Variants in RNF220 observed in about 807,000 individuals in gnomAD.
RNF220 encodes E3 ubiquitin-protein ligase RNF220.
RNF220 carries 7 observed loss-of-function variants against 67.1 expected under a neutral mutation model. The ratio of observed to expected loss-of-function variants is 0.10; its 90% CI spans 0.06 to 0.20. The LOEUF is 0.20. RNF220 is among the 10% of genes least tolerant of loss of function. The pLI, the probability that RNF220 is intolerant of heterozygous loss-of-function variation, is 1.00. For synonymous variants in RNF220, 270 were observed against 283.2 expected, an observed-to-expected ratio of 0.95 and a Z score of 0.47; for missense variants, 565 against 740.3, an observed-to-expected ratio of 0.76 and a Z score of 2.75.
At chr1:44,597,468 G>A (rs1572993669) in intron 2 of RNF220, among the ~76,000 whole-genome samples, 2 of 135,742 alleles carry the variant, frequency 1.5e-5, no homozygotes, top group South Asian at 2.7e-4. Flanking sequence ...TCTCTCTCAT[G>A]CACACACACA....
rs116276025 is a variant in RNF220, at chr1:44,586,362, G to A, written c.626-27803G>A. Reference sequence around the variant, plus strand: ...AAAGATAAATTCTCTAAGAGCAAAGGGCACAGCAGTGACAAGGTCCCCGGA... The same window carrying A: ...AAAGATAAATTCTCTAAGAGCAAAGAGCACAGCAGTGACAAGGTCCCCGGA... On this transcript the variant is annotated intron_variant, in intron 2 of 14. Transcript: ENST00000361799. Among the ~76,000 whole-genome samples, 1,503 of 152,220 alleles carry A rather than the reference G, an allele frequency of 9.9e-3. 25 individuals are homozygous for A. Among genetic ancestry groups the A allele is most frequent in the African/African-American group, 0.034 (1,425 of 41,522 alleles).
At chr1:44,533,598 G>A (rs1449747727) in intron 2 of RNF220, among the ~76,000 whole-genome samples, 2 of 152,206 alleles carry the variant, frequency 1.3e-5, no homozygotes, top group Admixed American at 6.5e-5. Context: ...ACTTCATACT[G>A]AGTTGCAGGG....
intron 2 of RNF220, among the ~76,000 whole-genome samples, chr1:44,522,798 C>A (rs1296445838): frequency 1.3e-5 from 2 of 152,196 alleles, no homozygotes; most frequent in Non-Finnish European, 2.9e-5. Flanking sequence ...CTTAGATAAC[C>A]TCTGAGGCCC....
intron 2 of RNF220, among the ~76,000 whole-genome samples, chr1:44,499,223 C>T (rs1318026564): frequency 6.6e-6 from 1 of 152,178 alleles, no homozygotes; most frequent in African/African-American, 2.4e-5. Context: ...CTCTGATGCA[C>T]ACAAACGTGC....
intron 5 of RNF220, chr1:44,631,655 T>G (rs1293677725): frequency 6.5e-6 from 1 of 153,862 alleles, no homozygotes; most frequent in Non-Finnish European, 1.4e-5. Context: ...CCTTGTCCCC[T>G]GTAAAGCACC....
chr1:44,434,942 G>A (rs894251806), intron 2 of RNF220, among the ~76,000 whole-genome samples: 4 of 150,968 alleles, frequency 2.6e-5, no homozygotes, highest in East Asian at 1.9e-4. Flanking sequence ...GGGGAGGATC[G>A]CTTGAGCCTA....
At chr1:44,596,793 A>G (rs1038923130) in intron 2 of RNF220, among the ~76,000 whole-genome samples, 1 of 152,152 alleles carries the variant, frequency 6.6e-6, no homozygotes, top group African/African-American at 2.4e-5. Flanking sequence ...CCCAAATGCC[A>G]GTTATTGCTG....
chr1:44,493,712 C>T (rs1461580839), intron 2 of RNF220, among the ~76,000 whole-genome samples: 1 of 151,794 alleles, frequency 6.6e-6, no homozygotes, highest in Non-Finnish European at 1.5e-5. Flanking sequence ...CAGTGGCATG[C>T]ACCTGTAGTT....
intron 2 of RNF220, among the ~76,000 whole-genome samples, chr1:44,485,068 G>A (rs550887759): frequency 6.6e-6 from 1 of 152,280 alleles, no homozygotes; most frequent in East Asian, 1.9e-4. Flanking sequence ...CCCGGGAGGC[G>A]GAGGTTACAG....
At chr1:44,445,305 T>C (rs909215473) in intron 2 of RNF220, among the ~76,000 whole-genome samples, 2 of 152,342 alleles carry the variant, frequency 1.3e-5, no homozygotes, top group East Asian at 3.9e-4. Flanking sequence ...CTGATCTCTG[T>C]ATCTCCAGTC....
intron 2 of RNF220, among the ~76,000 whole-genome samples, chr1:44,555,974 A>G (rs894562918): frequency 1.3e-5 from 2 of 149,798 alleles, no homozygotes; most frequent in Non-Finnish European, 2.9e-5. Context: ...ATGTATTTCT[A>G]TCACCACATC....
intron 3 of RNF220, among the ~76,000 whole-genome samples, chr1:44,619,976 G>A (rs558699359): frequency 2.4e-4 from 37 of 152,300 alleles, no homozygotes; most frequent in African/African-American, 8.2e-4. Context: ...GGAGTGGATC[G>A]CCAAATGACA....
intron 2 of RNF220, among the ~76,000 whole-genome samples, chr1:44,444,854 G>C (rs892180689): frequency 6.6e-6 from 1 of 152,148 alleles, no homozygotes; most frequent in East Asian, 1.9e-4. Flanking sequence ...CTGGTGTACA[G>C]GGCCTGAGTT....
At chr1:44,504,019 G>C (rs1812336) in intron 2 of RNF220, among the ~76,000 whole-genome samples, 3 of 151,898 alleles carry the variant, frequency 2.0e-5, no homozygotes, top group Non-Finnish European at 4.4e-5. Context: ...CCAGCTAATT[G>C]TTTTTATTTT....
At position 44,405,400 on chromosome 1, in the gene RNF220, T is replaced by TGCCGCCGCC. The variant is rs1024684613; in HGVS notation, c.-236_-228dup. The TGCCGCCGCC allele has an allele frequency of 9.6e-6, 6 of 626,364 alleles. No individual in the cohort carries two copies. The highest frequency in any genetic ancestry group is 2.4e-5 in the Admixed American group (1 of 41,560). The allele number at this position is 626,364 out of a possible 1,614,324, so 38.8% of individuals were successfully genotyped here. Reference sequence around the variant, plus strand: ...CTACTGCTGCTGCTGCTGCTGCCGCTGCCGCCGCCGCCGCCGCCGCTGCCT... The same window carrying TGCCGCCGCC: ...CTACTGCTGCTGCTGCTGCTGCCGCTGCCGCCGCCGCCGCCGCCGCCGCCGCCGCTGCCT... On this transcript the variant is annotated 5_prime_UTR_variant, in exon 1 of 15. Coordinates refer to ENST00000361799, the MANE Select transcript of RNF220 (RefSeq NM_018150.4).
intron 2 of RNF220, among the ~76,000 whole-genome samples, chr1:44,499,941 C>T (rs1051860918): frequency 6.6e-6 from 1 of 152,196 alleles, no homozygotes; most frequent in South Asian, 2.1e-4. Context: ...TCTCCCACAC[C>T]ATTCATACTG....
chr1:44,457,951 G>A (rs79212009), intron 2 of RNF220, among the ~76,000 whole-genome samples: 3,407 of 151,912 alleles, frequency 0.022, 56 homozygotes, highest in South Asian at 0.049. Context: ...TTTTGGCTTC[G>A]GCTTCTTTAC....
chr1:44,557,964 G>A (rs1195348839), intron 2 of RNF220, among the ~76,000 whole-genome samples: 1 of 152,226 alleles, frequency 6.6e-6, no homozygotes, highest in Non-Finnish European at 1.5e-5. Flanking sequence ...TGCCACGGCT[G>A]AGCCCTGCGG....
At chr1:44,505,400 T>C (rs557448934) in intron 2 of RNF220, among the ~76,000 whole-genome samples, 1 of 152,330 alleles carries the variant, frequency 6.6e-6, no homozygotes, top group South Asian at 2.1e-4. Flanking sequence ...CCTCCTTGGC[T>C]CTACGTGGGC....
Sources: allele counts gnomAD v4.1 joint callset (sites outside exome capture counted in the v4.1 genomes callset), GRCh38; gene constraint gnomAD v4.1.1; transcripts MANE v1.5; gene names NCBI Gene and HGNC (gene_info 2026-07-23, HGNC 2026-07-21).